Variants in DNAJC6 observed in about 807,000 individuals in gnomAD.
DNAJC6 encodes auxilin.
Under a neutral mutation model 110.0 loss-of-function variants are expected in DNAJC6, and 34 were observed. The observed-to-expected ratio is 0.31, with a 90% confidence interval of 0.24 to 0.41. The LOEUF (loss-of-function observed/expected upper bound fraction) is 0.41. DNAJC6 is among the 10% of genes least tolerant of loss of function. The pLI, the probability that DNAJC6 is intolerant of heterozygous loss-of-function variation, is 1.00. For missense variants in DNAJC6, 1,031 were observed against 1,207.8 expected (o/e 0.85, Z 2.17); for synonymous variants, 406 against 437.2 (o/e 0.93, Z 0.89).
intron 1 of DNAJC6, among the ~76,000 whole-genome samples, chr1:65,344,095 T>A (rs910616177): frequency 2.6e-5 from 4 of 152,172 alleles, no homozygotes; most frequent in African/African-American, 9.6e-5. Flanking sequence ...AAACAGAAGC[T>A]GCCTTGAACT....
Position 65,413,034 on chromosome 1 carries a change from CT to C in DNAJC6, c.*13del, listed in dbSNP as rs558579793. 8 of 1,611,326 alleles carry C rather than the reference CT, an allele frequency of 5.0e-6. No homozygotes were observed. Among genetic ancestry groups the C allele is most frequent in the Non-Finnish European group, 6.8e-6 (8 of 1,177,912 alleles). ...AAAAGCCCTTATATTAATTTATGAG[CT>C]TTTCCATCTCTGCTGCAGACCTGTG... On this transcript the variant is annotated 3_prime_UTR_variant, in exon 19 of 19. Coordinates refer to ENST00000371069, the MANE Select transcript of DNAJC6 (RefSeq NM_001256864.2).
At chr1:65,399,167 C>T (rs962384974) in intron 14 of DNAJC6, among the ~76,000 whole-genome samples, 9 of 152,122 alleles carry the variant, frequency 5.9e-5, no homozygotes, top group African/African-American at 2.2e-4. Context: ...CACTTAGAAA[C>T]TCTTGGGTTT....
chr1:65,338,821 G>T (rs1236401063), intron 1 of DNAJC6, among the ~76,000 whole-genome samples: 2 of 152,186 alleles, frequency 1.3e-5, no homozygotes, highest in Non-Finnish European at 2.9e-5. Flanking sequence ...TATGAGAATA[G>T]AGTTGAAGCT....
At chr1:65,365,699 T>C (rs1184594357) in intron 2 of DNAJC6, among the ~76,000 whole-genome samples, 186 bp from the exon 3 acceptor site, 1 of 152,156 alleles carries the variant, frequency 6.6e-6, no homozygotes, top group Non-Finnish European at 1.5e-5. Flanking sequence ...GGCATATTTA[T>C]ACCCCTGAGG....
rs531435640 is a variant in DNAJC6, at chr1:65,313,133, G to C, written c.193+3195G>C. Among the ~76,000 whole-genome samples the C allele has an allele frequency of 9.2e-5, 14 of 152,076 alleles. No individual in the cohort carries two copies. In the East Asian group the frequency reaches 2.5e-3, roughly 27 times the overall value. On this transcript the variant is annotated intron_variant, in intron 1 of 18. Transcript: ENST00000371069. ...AGTGGTGTGATCATGGCTCACTGCA[G>C]TCTGGACCTCCTGGGCTCAAATGAC...
chr1:65,283,276 C>G (rs981435790), intron 1 of DNAJC6, among the ~76,000 whole-genome samples: 12 of 152,194 alleles, frequency 7.9e-5, no homozygotes, highest in South Asian at 6.2e-4. Context: ...ACCACACACT[C>G]TCTTGCATTA....
chr1:65,334,505 G>A (rs957798615), intron 1 of DNAJC6, among the ~76,000 whole-genome samples: 1 of 152,212 alleles, frequency 6.6e-6, no homozygotes, highest in African/African-American at 2.4e-5. Flanking sequence ...GTGAGAATGG[G>A]AAGGAAAGCA....
At chr1:65,343,704 G>T (rs1255516455) in intron 1 of DNAJC6, among the ~76,000 whole-genome samples, 2 of 151,818 alleles carry the variant, frequency 1.3e-5, no homozygotes, top group Non-Finnish European at 2.9e-5. Flanking sequence ...GCTGCAGGGT[G>T]CTCCCTTTAA....
intron 1 of DNAJC6, among the ~76,000 whole-genome samples, chr1:65,296,418 C>T (rs939404522): frequency 5.3e-5 from 8 of 152,058 alleles, no homozygotes; most frequent in African/African-American, 1.4e-4. Context: ...AACTCTGACC[C>T]GGACTGGTCA....
intron 1 of DNAJC6, among the ~76,000 whole-genome samples, chr1:65,338,045 C>T (rs1225923088): frequency 6.6e-6 from 1 of 152,142 alleles, no homozygotes; most frequent in Non-Finnish European, 1.5e-5. Context: ...TAGAATCAGC[C>T]ACTTTTTCAA....
intron 5 of DNAJC6, among the ~76,000 whole-genome samples, chr1:65,383,070 G>A (rs771119164): frequency 6.6e-5 from 10 of 152,184 alleles, no homozygotes; most frequent in Non-Finnish European, 1.0e-4. Flanking sequence ...AGGAATGAAA[G>A]TCAACTCAAC....
chr1:65,339,755 G>T (rs551400155), intron 1 of DNAJC6, among the ~76,000 whole-genome samples: 11 of 152,270 alleles, frequency 7.2e-5, no homozygotes, highest in Admixed American at 2.6e-4. Context: ...AGTGCCAAAT[G>T]CAGGGAAAGA....
At chr1:65,308,709 A>C (rs77558961), upstream of DNAJC6, among the ~76,000 whole-genome samples, 1 of 152,112 alleles carries the variant, frequency 6.6e-6, no homozygotes, top group Non-Finnish European at 1.5e-5. Flanking sequence ...ATCCTTGTCT[A>C]TCTTGCTTCC....
At chr1:65,395,189 A>C (rs935601098) in intron 13 of DNAJC6, among the ~76,000 whole-genome samples, 157 bp downstream of exon 13, 13 of 152,126 alleles carry the variant, frequency 8.5e-5, no homozygotes, top group Non-Finnish European at 1.5e-5. Context: ...AACATATCAA[A>C]ATCTCTGGGC....
At chr1:65,312,996 T>C (rs1156906327) in intron 1 of DNAJC6, among the ~76,000 whole-genome samples, 2 of 151,930 alleles carry the variant, frequency 1.3e-5, no homozygotes, top group African/African-American at 4.8e-5. Context: ...GACGGGCTCT[T>C]GCCATGTTGG....
chr1:65,407,026 C>T (rs1280538119), intron 16 of DNAJC6, among the ~76,000 whole-genome samples: 1 of 152,124 alleles, frequency 6.6e-6, no homozygotes, highest in Non-Finnish European at 1.5e-5. Context: ...GTTTTATTTG[C>T]AGTTTCAGTT....
chr1:65,373,529 G>A (rs115905610), intron 4 of DNAJC6, among the ~76,000 whole-genome samples: 182 of 152,092 alleles, frequency 1.2e-3, no homozygotes, highest in African/African-American at 4.1e-3. Flanking sequence ...TCTCTGATTA[G>A]TGATGTTGGA....
intron 1 of DNAJC6, among the ~76,000 whole-genome samples, chr1:65,358,665 A>G (rs1236087993): frequency 6.6e-6 from 1 of 152,168 alleles, no homozygotes; most frequent in Non-Finnish European, 1.5e-5. Flanking sequence ...TAGCCTGCTT[A>G]TTTTACATTT....
chr1:65,316,925 CT>C (rs10711968), intron 1 of DNAJC6, among the ~76,000 whole-genome samples: 80,069 of 148,348 alleles, frequency 0.54, 21,412 homozygotes, highest in Non-Finnish European at 0.59. Flanking sequence ...ATAAAGGTCA[CT>C]TTTTTTTTTT....
Sources: allele counts gnomAD v4.1 joint callset (sites outside exome capture counted in the v4.1 genomes callset), GRCh38; gene constraint gnomAD v4.1.1; transcripts MANE v1.5; gene names NCBI Gene and HGNC (gene_info 2026-07-23, HGNC 2026-07-21).